The following RIPOR3 variants were observed in gnomAD, a reference collection of about 807,000 sequenced individuals.
RIPOR3 encodes the protein RIPOR family member 3.
In RIPOR3, 95 loss-of-function variants were observed where a neutral mutation model predicts 114.3. That is an observed-to-expected ratio of 0.83 (90% CI 0.70 to 0.99). The LOEUF (loss-of-function observed/expected upper bound fraction) is 0.99. Among genes scored for constraint, RIPOR3 ranks in the 50% least tolerant of loss-of-function variants. The probability of loss-of-function intolerance (pLI) is 0.00; values close to 1 mark genes in which losing one functional copy is unlikely to be tolerated. For missense variants in RIPOR3, 1,252 were observed against 1,266.9 expected, an observed-to-expected ratio of 0.99 and a Z score of 0.18; for synonymous variants, 575 against 543.8, an observed-to-expected ratio of 1.06 and a Z score of -0.80.
At chr20:50,653,539 G>A (rs1013074903) in intron 1 of RIPOR3, among the ~76,000 whole-genome samples, 6 of 150,732 alleles carry the variant, frequency 4.0e-5, no homozygotes, top group African/African-American at 1.2e-4. Flanking sequence ...GGGTTCAAGC[G>A]ATTTTCCTGC....
At chr20:50,626,332 C>G (rs933383560) in intron 2 of RIPOR3, among the ~76,000 whole-genome samples, 1 of 152,282 alleles carries the variant, frequency 6.6e-6, no homozygotes, top group Non-Finnish European at 1.5e-5. Flanking sequence ...GCCCAGCATC[C>G]TCTGGCATCC....
In RIPOR3 at chr20:50,592,503, C is replaced by T. The variant is rs868025429; in HGVS notation, c.2418G>A (p.Val806=). Residue 806 remains valine, a synonymous_variant, in exon 19 of 22, where the codon GTG becomes GTA. Coordinates refer to ENST00000327979, the MANE Select transcript of RIPOR3 (RefSeq NM_001290268.2). The part of the protein sequence containing the change: ...EELHCAGQAK[V]VRKLQGKRLG... ...GCCGCTTCCCCTGCAGCTTCCGGAC[C>T]ACCTTGGCCTGTCCCGCACAGTGAA... 2.5e-6 allele frequency: 4 copies of T among 1,609,132 alleles called. No individual in the cohort carries two copies. The highest frequency in any genetic ancestry group is 1.3e-5 in the African/African-American group (1 of 74,844).
intron 1 of RIPOR3, among the ~76,000 whole-genome samples, chr20:50,678,188 C>A (rs376334176): frequency 6.6e-6 from 1 of 152,152 alleles, no homozygotes; most frequent in Non-Finnish European, 1.5e-5. Context: ...GAGATCCCAG[C>A]GGGCTTCCTA....
intron 13 of RIPOR3, among the ~76,000 whole-genome samples, chr20:50,599,887 T>C (rs965891070): frequency 6.6e-6 from 1 of 151,044 alleles, no homozygotes; most frequent in South Asian, 2.1e-4. Flanking sequence ...TGTGTATGTA[T>C]GCGCTCACAC....
At chr20:50,590,974 G>A (rs1304042753) in intron 19 of RIPOR3, among the ~76,000 whole-genome samples, 1 of 152,120 alleles carries the variant, frequency 6.6e-6, no homozygotes, top group Non-Finnish European at 1.5e-5. Flanking sequence ...GTGGATCCTT[G>A]AAGCCAACTA....
intron 2 of RIPOR3, among the ~76,000 whole-genome samples, chr20:50,625,862 T>G (rs2084600529): frequency 6.6e-6 from 1 of 152,152 alleles, no homozygotes. Context: ...ATGGCCTTAT[T>G]ATGTCAATCA....
At chr20:50,679,701 A>C (rs2086798568) in intron 1 of RIPOR3, among the ~76,000 whole-genome samples, 1 of 150,158 alleles carries the variant, frequency 6.7e-6, no homozygotes, top group Non-Finnish European at 1.5e-5. Context: ...CCTGGGAGGC[A>C]GAGGTTGCAG....
chr20:50,600,730 A>G (rs566447357), intron 13 of RIPOR3, among the ~76,000 whole-genome samples: 15 of 152,344 alleles, frequency 9.8e-5, no homozygotes, highest in African/African-American at 3.6e-4. Context: ...ACTGAACTCC[A>G]GCCTGGGCAA....
intron 1 of RIPOR3, among the ~76,000 whole-genome samples, chr20:50,646,771 A>C (rs2085413881): frequency 6.6e-6 from 1 of 152,220 alleles, no homozygotes; most frequent in Non-Finnish European, 1.5e-5. Flanking sequence ...AGAGTTTCCA[A>C]AAGTGTTGCA....
intron 14 of RIPOR3, 166 bp downstream of exon 14, chr20:50,597,414 G>T (rs921200964): frequency 2.0e-6 from 2 of 1,019,724 alleles, no homozygotes; most frequent in Non-Finnish European, 2.8e-6. Flanking sequence ...TGAGGCAAGT[G>T]GGGGATGTGC....
intron 1 of RIPOR3, chr20:50,654,112 T>C (rs2123418211): frequency 6.6e-6 from 1 of 152,300 alleles, no homozygotes; most frequent in Non-Finnish European, 1.5e-5. Flanking sequence ...CTGGTGTTTG[T>C]CACCCCAACT....
chr20:50,590,911 G>A (rs181793205), intron 19 of RIPOR3, among the ~76,000 whole-genome samples: 1 of 151,532 alleles, frequency 6.6e-6, no homozygotes, highest in Non-Finnish European at 1.5e-5. Context: ...GCTTCCCATG[G>A]AGGCCTTGTT....
At chr20:50,656,841 G>T (rs1382707110) in intron 1 of RIPOR3, among the ~76,000 whole-genome samples, 3 of 152,148 alleles carry the variant, frequency 2.0e-5, no homozygotes, top group Non-Finnish European at 4.4e-5. Flanking sequence ...TCCATTGGGG[G>T]CCCATCCCTA....
At chr20:50,642,011 C>A (rs915382307) in intron 1 of RIPOR3, among the ~76,000 whole-genome samples, 4 of 152,178 alleles carry the variant, frequency 2.6e-5, no homozygotes, top group South Asian at 2.1e-4. Flanking sequence ...ACACCCACCC[C>A]CTTCTGCTTC....
chr20:50,647,543 C>T (rs560669639), intron 1 of RIPOR3, among the ~76,000 whole-genome samples: 161 of 134,760 alleles, frequency 1.2e-3, no homozygotes, highest in Non-Finnish European at 2.2e-3. Flanking sequence ...AGTGCAGTGG[C>T]GCAATCTCGG....
rs1600720832 is a variant in RIPOR3, at chr20:50,666,181, C to CCTTTTCTTTTCTTTTCTTTT, written c.3+24944_3+24945insAAAAGAAAAGAAAAGAAAAG. On this transcript the variant is annotated intron_variant, in intron 1 of 21. Coordinates refer to ENST00000327979, the MANE Select transcript of RIPOR3 (RefSeq NM_001290268.2). Reference sequence around the variant, plus strand: ...GGCCTAGAATACAGAGAAAGGACACCCATTTCTTTTCTTTTCTTTTCTTTT... The same window carrying CCTTTTCTTTTCTTTTCTTTT: ...GGCCTAGAATACAGAGAAAGGACACCCTTTTCTTTTCTTTTCTTTTCATTTCTTTTCTTTTCTTTTCTTTT... Among the ~76,000 whole-genome samples the CCTTTTCTTTTCTTTTCTTTT allele has an allele frequency of 3.3e-4, 5 of 14,962 alleles. 1 individual carries two copies. Among genetic ancestry groups the CCTTTTCTTTTCTTTTCTTTT allele is most frequent in the Non-Finnish European group, 1.4e-3 (3 of 2,206 alleles). 9.8% of individuals were successfully genotyped at this position (14,962 alleles called of 152,430 possible).
chr20:50,661,634 G>C (rs759747198), intron 1 of RIPOR3, among the ~76,000 whole-genome samples: 1 of 152,134 alleles, frequency 6.6e-6, no homozygotes, highest in African/African-American at 2.4e-5. Flanking sequence ...GCAGGAACAC[G>C]CTGTCCCCAC....
chr20:50,611,978 G>A (rs560817192), intron 4 of RIPOR3, among the ~76,000 whole-genome samples: 1 of 152,170 alleles, frequency 6.6e-6, no homozygotes, highest in East Asian at 1.9e-4. Flanking sequence ...ATAAAAAGTA[G>A]CTGGGTGTGG....
intron 20 of RIPOR3, 66 bp from the exon 21 acceptor site, chr20:50,587,958 A>T: frequency 6.7e-7 from 1 of 1,499,132 alleles, no homozygotes; most frequent in Non-Finnish European, 9.2e-7. Context: ...GAGTCCACTT[A>T]GTGGCCCTGC....
Sources: gnomAD v4.1 joint callset for allele counts (sites outside exome capture counted in the v4.1 genomes callset) on GRCh38, gnomAD v4.1.1 for gene constraint, MANE v1.5 for transcripts, NCBI Gene and HGNC (gene_info 2026-07-23, HGNC 2026-07-21) for gene names.